Variants in SYN2 observed in about 807,000 individuals in gnomAD.
The protein encoded by SYN2 is synapsin II.
SYN2 carries 19 observed loss-of-function variants against 50.9 expected under a neutral mutation model. The observed-to-expected ratio is 0.37, with a 90% CI of 0.26 to 0.55. The LOEUF (loss-of-function observed/expected upper bound fraction) is 0.55, where lower values mean the gene tolerates loss of function less well. Among genes scored for constraint, SYN2 ranks in the 20% least tolerant of loss-of-function variants. The pLI, the probability that SYN2 is intolerant of heterozygous loss-of-function variation, is 0.81. For synonymous variants in SYN2, 255 were observed against 224.9 expected, an observed-to-expected ratio of 1.13 and a Z score of -1.20; for missense variants, 587 against 576.4, an observed-to-expected ratio of 1.02 and a Z score of -0.19.
At chr3:12,111,314 G>C (rs762736276) in intron 1 of SYN2, among the ~76,000 whole-genome samples, 65 of 152,276 alleles carry the variant, frequency 4.3e-4, no homozygotes, top group Non-Finnish European at 7.6e-4. Flanking sequence ...GCCACTTGGA[G>C]CTGTAAGTCC....
chr3:12,159,736 G>A (rs1340594353), intron 5 of SYN2, among the ~76,000 whole-genome samples: 1 of 152,092 alleles, frequency 6.6e-6, no homozygotes, highest in East Asian at 1.9e-4. Context: ...CTAGAAGGTG[G>A]GACAGCTTAG....
intron 1 of SYN2, among the ~76,000 whole-genome samples, chr3:12,103,688 T>C (rs1212840751): frequency 6.6e-6 from 1 of 152,184 alleles, no homozygotes. Context: ...ACTTCAAGCT[T>C]GGTCACAGTC....
chr3:12,182,118 T>C (rs1236293539), intron 10 of SYN2, among the ~76,000 whole-genome samples: 1 of 152,068 alleles, frequency 6.6e-6, no homozygotes, highest in African/African-American at 2.4e-5. Context: ...ACTGAGAAGG[T>C]AACACTTCCT....
chr3:12,071,616 G>A, intron 1 of SYN2: 1 of 328,698 alleles, frequency 3.0e-6, no homozygotes, highest in Non-Finnish European at 6.0e-6. Flanking sequence ...TGATTTCTTA[G>A]TACAAGTGGC....
chr3:12,153,584 G>A (rs765096492), intron 5 of SYN2: 255 of 1,613,996 alleles, frequency 1.6e-4, no homozygotes, highest in Non-Finnish European at 1.7e-4. Context: ...TGCAGGTGCC[G>A]TCAACATGCT....
intron 1 of SYN2, among the ~76,000 whole-genome samples, chr3:12,103,792 T>C (rs1025060806): frequency 6.6e-6 from 1 of 151,500 alleles, no homozygotes; most frequent in African/African-American, 2.4e-5. Flanking sequence ...CTCAAAATAT[T>C]AACAAATAAA....
chr3:12,190,355 C>T lies in SYN2; in HGVS notation c.1614-135C>T, dbSNP rs553601523. 442 of 1,026,296 alleles carry T rather than the reference C, an allele frequency of 4.3e-4. 1 individual carries two copies. Among genetic ancestry groups the T allele is most frequent in the Non-Finnish European group, 6.0e-4 (403 of 672,490 alleles). The allele number at this position is 1,026,296 out of a possible 1,614,324, so 63.6% of individuals were successfully genotyped here. On this transcript the variant is annotated intron_variant, in intron 12 of 12. Transcript: ENST00000621198. ...CAGGGTCTTGGTAGCATGGCCACTT[C>T]TGGCATTATCCTCCATCACCTTGGT...
At chr3:12,035,208 C>T (rs555670012) in intron 1 of SYN2, among the ~76,000 whole-genome samples, 15 of 152,302 alleles carry the variant, frequency 9.8e-5, no homozygotes, top group Middle Eastern at 3.4e-3. Flanking sequence ...TCCCCATCTT[C>T]GGGTCACTCT....
At chr3:12,181,001 A>G (rs1698207880) in intron 10 of SYN2, among the ~76,000 whole-genome samples, 1 of 152,212 alleles carries the variant, frequency 6.6e-6, no homozygotes, top group Non-Finnish European at 1.5e-5. Flanking sequence ...TCTCATGTTT[A>G]AAAAAGGAAT....
intron 1 of SYN2, among the ~76,000 whole-genome samples, chr3:12,013,737 C>G (rs1693963808): frequency 6.6e-6 from 1 of 152,080 alleles, no homozygotes; most frequent in African/African-American, 2.4e-5. Context: ...CAAATTTGAC[C>G]TTTTTACTCC....
intron 1 of SYN2, among the ~76,000 whole-genome samples, chr3:12,098,874 T>TAC (rs1160921353): frequency 6.7e-6 from 1 of 148,172 alleles, no homozygotes; most frequent in Non-Finnish European, 1.5e-5. Flanking sequence ...TATATATATA[T>TAC]ATATATAATG....
chr3:12,159,993 A>C (rs996734214), intron 5 of SYN2, among the ~76,000 whole-genome samples: 1 of 137,836 alleles, frequency 7.3e-6, no homozygotes, highest in African/African-American at 2.7e-5. Flanking sequence ...AAGTGAGCTG[A>C]GACTGTGCCA....
intron 1 of SYN2, among the ~76,000 whole-genome samples, chr3:12,060,448 A>G (rs1695089443): frequency 1.3e-5 from 2 of 151,926 alleles, no homozygotes; most frequent in South Asian, 4.2e-4. Flanking sequence ...TTACTATCTC[A>G]CCTAAGGGGG....
In SYN2 at chr3:12,169,516, T is replaced by G. The variant is rs541043428; in HGVS notation, c.1159-241T>G. ...TCTGGCTACCTTCATCCAGCAATTT[T>G]TGGTCTCACTGAGCCCTGGCACGGG... On this transcript the variant is annotated intron_variant, in intron 9 of 12. Transcript: ENST00000621198. Among the ~76,000 whole-genome samples the G allele has an allele frequency of 4.6e-5, 7 of 152,338 alleles. No individual in the cohort carries two copies. The East Asian group carries it at 1.3e-3, about 29-fold the overall frequency.
At chr3:12,162,271 C>T (rs1024173788) in intron 7 of SYN2, 117 bp downstream of exon 7, 4 of 1,345,624 alleles carry the variant, frequency 3.0e-6, no homozygotes, top group Non-Finnish European at 4.0e-6. Flanking sequence ...ATTTTTTTAC[C>T]TGGGTTCCTT....
At position 12,155,643 on chromosome 3, in the gene SYN2, G is replaced by A. The variant is rs191048684; in HGVS notation, c.774+4317G>A. On this transcript the variant is annotated intron_variant, in intron 5 of 12. Coordinates refer to ENST00000621198, the MANE Select transcript of SYN2 (RefSeq NM_133625.6). ...CAAAGAGCTTTCAACACCAGGCAAA[G>A]GAGCTTGTGCCTTCTCCTGTAGGAC... is the stretch of plus-strand genomic sequence containing the variant. Among the ~76,000 whole-genome samples, 31 of 152,328 alleles carry A rather than the reference G, an allele frequency of 2.0e-4. No individual in the cohort carries two copies. The East Asian group carries it at 3.1e-3, about 15-fold the overall frequency.
intron 1 of SYN2, among the ~76,000 whole-genome samples, chr3:12,088,453 G>T (rs999843306): frequency 6.6e-6 from 1 of 152,138 alleles, no homozygotes; most frequent in African/African-American, 2.4e-5. Flanking sequence ...CTATTGGTGG[G>T]AAGGTAAATT....
intron 7 of SYN2, 146 bp downstream of exon 7, chr3:12,162,300 C>A: frequency 1.1e-6 from 1 of 935,616 alleles, no homozygotes. Context: ...GAGGAGGGGT[C>A]TGTGGACTAA....
intron 1 of SYN2, among the ~76,000 whole-genome samples, chr3:12,022,041 G>T (rs1275692078): frequency 2.0e-5 from 3 of 150,774 alleles, no homozygotes; most frequent in South Asian, 2.1e-4. Flanking sequence ...CCTCACTCCA[G>T]CCTGGGTGAC....
Sources: gnomAD v4.1 joint callset for allele counts (sites outside exome capture counted in the v4.1 genomes callset) on GRCh38, gnomAD v4.1.1 for gene constraint, MANE v1.5 for transcripts, NCBI Gene and HGNC (gene_info 2026-07-23, HGNC 2026-07-21) for gene names.